Variants in SEPTIN7 observed in about 807,000 individuals in gnomAD.
SEPTIN7 encodes septin 7.
In SEPTIN7, 10 loss-of-function variants were observed where a neutral mutation model predicts 63.3. That is an observed-to-expected ratio of 0.16 (90% CI 0.10 to 0.27). The LOEUF (loss-of-function observed/expected upper bound fraction) is 0.27. Ranked by LOEUF, SEPTIN7 falls within the 10% of genes least tolerant of loss-of-function variation. The pLI, the probability that SEPTIN7 is intolerant of heterozygous loss-of-function variation, is 1.00. For missense variants in SEPTIN7, 310 were observed against 521.0 expected, an observed-to-expected ratio of 0.59 and a Z score of 3.94; for synonymous variants, 131 against 165.3, an observed-to-expected ratio of 0.79 and a Z score of 1.59.
rs186787176 is a variant in SEPTIN7, at chr7:35,862,427, A to G, written c.170-1125A>G. Among the ~76,000 whole-genome samples the G allele has an allele frequency of 2.7e-3, 404 of 152,322 alleles. 2 individuals carry two copies. Among genetic ancestry groups the G allele is most frequent in the African/African-American group, 9.3e-3 (387 of 41,568 alleles). ...ACTAAAATTATCATTTATATTTCCA[A>G]AAAGAAATATTGTAGATATTTCTGA... On this transcript the variant is annotated intron_variant, in intron 3 of 13. Coordinates refer to ENST00000350320, the MANE Select transcript of SEPTIN7 (RefSeq NM_001788.6).
chr7:35,907,464 TAATA>T (rs752425689), downstream of SEPTIN7, among the ~76,000 whole-genome samples: 7 of 152,114 alleles, frequency 4.6e-5, no homozygotes, highest in African/African-American at 9.7e-5. Flanking sequence ...ATACATTATC[TAATA>T]AATGAATAAG....
At chr7:35,915,170 C>T in the SEPTIN7 span, among the ~76,000 whole-genome samples, 1 of 151,792 alleles carries the variant, frequency 6.6e-6, no homozygotes, top group African/African-American at 2.4e-5. Context: ...CATATATATA[C>T]ACACATATAC....
chr7:35,808,233 C>T (rs1788480172), intron 1 of SEPTIN7, among the ~76,000 whole-genome samples: 1 of 152,098 alleles, frequency 6.6e-6, no homozygotes, highest in African/African-American at 2.4e-5. Flanking sequence ...CCCAAGTCAC[C>T]CAGTTTCCTA....
At chr7:35,865,678 A>C (rs1300053214) in intron 4 of SEPTIN7, among the ~76,000 whole-genome samples, 2 of 151,606 alleles carry the variant, frequency 1.3e-5, no homozygotes, top group African/African-American at 4.8e-5. Flanking sequence ...GTGAGGTTGA[A>C]CATGTCTTTT....
intron 1 of SEPTIN7, among the ~76,000 whole-genome samples, chr7:35,812,835 A>G (rs1209983688): frequency 6.6e-6 from 1 of 152,204 alleles, no homozygotes; most frequent in Non-Finnish European, 1.5e-5. Flanking sequence ...AAATATGTCT[A>G]TTATTTATAG....
chr7:35,854,300 T>C (rs1785094512), intron 3 of SEPTIN7, among the ~76,000 whole-genome samples: 1 of 152,254 alleles, frequency 6.6e-6, no homozygotes, highest in Non-Finnish European at 1.5e-5. Context: ...ACTTACTGGC[T>C]GTCACTGTCA....
chr7:35,826,358 G>A (rs977289253), intron 1 of SEPTIN7, among the ~76,000 whole-genome samples: 4 of 149,990 alleles, frequency 2.7e-5, no homozygotes, highest in African/African-American at 4.9e-5. Context: ...AACATACTTC[G>A]TCAGTGTGTA....
At chr7:35,884,510 A>G (rs1439419221) in intron 9 of SEPTIN7, among the ~76,000 whole-genome samples, 3 of 152,204 alleles carry the variant, frequency 2.0e-5, no homozygotes, top group Admixed American at 1.3e-4. Context: ...ATTTGAAAAC[A>G]TAACTAAAAT....
intron 12 of SEPTIN7, chr7:35,902,225 T>G (rs1788365882): frequency 6.6e-6 from 1 of 151,964 alleles, no homozygotes; most frequent in Admixed American, 6.6e-5. Flanking sequence ...CTTTTTTTTT[T>G]TTCAGAAATG....
chr7:35,832,240 C>T (rs1783868000), intron 2 of SEPTIN7: 2 of 363,402 alleles, frequency 5.5e-6, no homozygotes, highest in South Asian at 4.2e-5. Flanking sequence ...CCTGGCATAA[C>T]AGCTTGAATG....
At chr7:35,861,598 A>G (rs953854473) in intron 3 of SEPTIN7, among the ~76,000 whole-genome samples, 1 of 152,152 alleles carries the variant, frequency 6.6e-6, no homozygotes, top group Non-Finnish European at 1.5e-5. Context: ...AATTTCCCAA[A>G]GAGTCTCACC....
chr7:35,873,297 G>GT (rs997781324), intron 5 of SEPTIN7, among the ~76,000 whole-genome samples: 1 of 151,860 alleles, frequency 6.6e-6, no homozygotes, highest in East Asian at 1.9e-4. Context: ...TCACCATGAA[G>GT]TTTTTTTATT....
intron 1 of SEPTIN7, among the ~76,000 whole-genome samples, chr7:35,826,294 C>G (rs1033741494): frequency 2.4e-4 from 37 of 151,336 alleles, no homozygotes; most frequent in African/African-American, 8.2e-4. Context: ...ATATCTTTTC[C>G]TTTTGTAGTC....
intron 9 of SEPTIN7, among the ~76,000 whole-genome samples, 176 bp from the exon 10 acceptor site, chr7:35,885,652 C>T (rs1032488635): frequency 2.0e-5 from 3 of 152,088 alleles, no homozygotes; most frequent in African/African-American, 4.8e-5. Context: ...TAATAGAGTA[C>T]ACTTCTCTGT....
At chr7:35,828,988 A>G (rs915655244) in intron 1 of SEPTIN7, among the ~76,000 whole-genome samples, 6 of 152,142 alleles carry the variant, frequency 3.9e-5, no homozygotes, top group African/African-American at 7.2e-5. Flanking sequence ...GTGTCTTCCT[A>G]TCATGCCTAA....
chr7:35,858,577 A>G (rs139294149), intron 3 of SEPTIN7, among the ~76,000 whole-genome samples: 2,248 of 151,864 alleles, frequency 0.015, 50 homozygotes, highest in African/African-American at 0.05. Flanking sequence ...GATTATCTCA[A>G]TCTCCTGACC....
At chr7:35,845,246 T>G (rs1406945437) in intron 3 of SEPTIN7, among the ~76,000 whole-genome samples, 2 of 151,714 alleles carry the variant, frequency 1.3e-5, no homozygotes, top group Non-Finnish European at 2.9e-5. Flanking sequence ...ATTATATATG[T>G]AAAATACCTA....
At chr7:35,908,116 A>G (rs1211516442), downstream of SEPTIN7, among the ~76,000 whole-genome samples, 1 of 152,220 alleles carries the variant, frequency 6.6e-6, no homozygotes, top group East Asian at 1.9e-4. Flanking sequence ...GAAAGGTGTT[A>G]GTAATTGGAG....
chr7:35,865,701 T>A (rs532707714), intron 4 of SEPTIN7, among the ~76,000 whole-genome samples: 1 of 152,324 alleles, frequency 6.6e-6, no homozygotes, highest in East Asian at 1.9e-4. Flanking sequence ...ACTCATTAAC[T>A]GTTATTTCAT....
Sources: allele counts gnomAD v4.1 joint callset (sites outside exome capture counted in the v4.1 genomes callset), GRCh38; gene constraint gnomAD v4.1.1; transcripts MANE v1.5; gene names NCBI Gene and HGNC (gene_info 2026-07-23, HGNC 2026-07-21).